Variants in RFPL1 observed in about 807,000 individuals in gnomAD.
The protein encoded by RFPL1 is ret finger protein like 1, also known as ret finger protein-like 1.
Under a neutral mutation model 9.6 loss-of-function variants are expected in RFPL1, and 6 were observed. The ratio of observed to expected loss-of-function variants is 0.62; its 90% CI spans 0.34 to 1.23. The LOEUF is 1.23. RFPL1 is among the 50% of genes most tolerant of loss of function. The pLI, the probability that RFPL1 is intolerant of heterozygous loss-of-function variation, is 0.03. For missense variants in RFPL1, 352 were observed against 398.4 expected, an observed-to-expected ratio of 0.88 and a Z score of 0.99; for synonymous variants, 145 against 149.4, an observed-to-expected ratio of 0.97 and a Z score of 0.22.
At chr22:29,399,885 C>T in the RFPL1 span, among the ~76,000 whole-genome samples, 1 of 152,092 alleles carries the variant, frequency 6.6e-6, no homozygotes, top group African/African-American at 2.4e-5. Context: ...TTGTGATGCA[C>T]CTATTCATAT....
At chr22:29,410,025 C>A in the RFPL1 span, among the ~76,000 whole-genome samples, 1 of 151,740 alleles carries the variant, frequency 6.6e-6, no homozygotes, top group Non-Finnish European at 1.5e-5. Flanking sequence ...TTGCCTTTTC[C>A]ACAAGCATCG....
chr22:29,401,471 C>CT, the RFPL1 span, among the ~76,000 whole-genome samples: 1 of 152,218 alleles, frequency 6.6e-6, no homozygotes, highest in Non-Finnish European at 1.5e-5. Context: ...ACCTCTTTCT[C>CT]GTCCTACATT....
At chr22:29,403,365 G>A in the RFPL1 span, among the ~76,000 whole-genome samples, 10 of 152,008 alleles carry the variant, frequency 6.6e-5, no homozygotes, top group African/African-American at 2.2e-4. Flanking sequence ...CCTCGTACAC[G>A]TAGTGAGCAT....
At chr22:29,419,285 T>C in the RFPL1 span, 233 of 1,069,470 alleles carry the variant, frequency 2.2e-4, 5 homozygotes, top group South Asian at 2.8e-3. Context: ...CAAGCATGAG[T>C]GATCCCTCCC....
chr22:29,394,946 C>T, the RFPL1 span, among the ~76,000 whole-genome samples: 1 of 152,138 alleles, frequency 6.6e-6, no homozygotes, highest in Non-Finnish European at 1.5e-5. Flanking sequence ...CATCCAATGC[C>T]AGGAAGGTTG....
chr22:29,416,498 C>A, the RFPL1 span, among the ~76,000 whole-genome samples: 9 of 152,192 alleles, frequency 5.9e-5, no homozygotes, highest in East Asian at 1.7e-3. Flanking sequence ...GCCTTTATAA[C>A]TGAATGAGAC....
At chr22:29,438,450 TG>T, upstream of RFPL1, 1 of 397,038 alleles carries the variant, frequency 2.5e-6, no homozygotes, top group Non-Finnish European at 4.0e-6. Context: ...CCCAAAGTGC[TG>T]GGATTATAGG....
At chr22:29,390,317 A>G in the RFPL1 span, among the ~76,000 whole-genome samples, 360 of 152,274 alleles carry the variant, frequency 2.4e-3, 4 homozygotes, top group African/African-American at 8.1e-3. Context: ...CTAAGTCTCT[A>G]CGTCCTATCT....
chr22:29,412,864 G>A, the RFPL1 span, among the ~76,000 whole-genome samples: 1 of 152,108 alleles, frequency 6.6e-6, no homozygotes, highest in African/African-American at 2.4e-5. Flanking sequence ...AGGACAGCGA[G>A]TTGCCCCTAC....
chr22:29,399,496 C>T, the RFPL1 span, among the ~76,000 whole-genome samples: 1 of 152,200 alleles, frequency 6.6e-6, no homozygotes, highest in Non-Finnish European at 1.5e-5. Context: ...TTATTATTGA[C>T]ATAGAATGCA....
the RFPL1 span, among the ~76,000 whole-genome samples, chr22:29,418,275 T>A: frequency 6.6e-6 from 1 of 151,872 alleles, no homozygotes; most frequent in Non-Finnish European, 1.5e-5. Context: ...CACTGGGCGC[T>A]CCCACAGGGG....
At chr22:29,432,391 C>T in the RFPL1 span, among the ~76,000 whole-genome samples, 2 of 152,282 alleles carry the variant, frequency 1.3e-5, no homozygotes, top group South Asian at 4.1e-4. Flanking sequence ...GTTTGTTTTC[C>T]TGTAACCATT....
At chr22:29,403,601 T>G in the RFPL1 span, among the ~76,000 whole-genome samples, 2 of 152,218 alleles carry the variant, frequency 1.3e-5, no homozygotes, top group East Asian at 3.9e-4. Flanking sequence ...TAGGCTGACT[T>G]GAGAATCTCT....
At chr22:29,415,499 C>T in the RFPL1 span, among the ~76,000 whole-genome samples, 117 of 152,356 alleles carry the variant, frequency 7.7e-4, 1 homozygote, top group Admixed American at 7.2e-3. Context: ...TCAGGAACCG[C>T]GTAGCTCAAG....
the RFPL1 span, among the ~76,000 whole-genome samples, chr22:29,429,004 A>G: frequency 1.3e-5 from 2 of 152,208 alleles, no homozygotes; most frequent in Non-Finnish European, 2.9e-5. Flanking sequence ...GCAGAACTAA[A>G]CAAAATAGAG....
At chr22:29,423,214 A>G in the RFPL1 span, 5 of 1,194,266 alleles carry the variant, frequency 4.2e-6, no homozygotes, top group African/African-American at 1.5e-5. Context: ...GAGAGGGGTG[A>G]CTTTCAGTTA....
chr22:29,441,905 G>C, exon 2 of RFPL1: 1 of 1,612,670 alleles, frequency 6.2e-7, no homozygotes, highest in African/African-American at 1.3e-5. Flanking sequence ...CAGCGAGTGG[G>C]GATTTTTCTG....
the RFPL1 span, among the ~76,000 whole-genome samples, chr22:29,418,703 T>C: frequency 6.6e-6 from 1 of 151,944 alleles, no homozygotes; most frequent in African/African-American, 2.4e-5. Flanking sequence ...TATCACCACA[T>C]TGGCCAGGCT....
the RFPL1 span, among the ~76,000 whole-genome samples, chr22:29,403,419 G>C: frequency 6.6e-6 from 1 of 152,156 alleles, no homozygotes; most frequent in African/African-American, 2.4e-5. Context: ...AACCACTGGA[G>C]GATTACAGCC....
Sources: gnomAD v4.1 joint callset for allele counts (sites outside exome capture counted in the v4.1 genomes callset) on GRCh38, gnomAD v4.1.1 for gene constraint, MANE v1.5 for transcripts, NCBI Gene and HGNC (gene_info 2026-07-23, HGNC 2026-07-21) for gene names.